MACROD2: variants seen among roughly 807,000 people sequenced by gnomAD.
MACROD2 encodes ADP-ribose glycohydrolase MACROD2.
A neutral mutation model predicts 70.4 loss-of-function variants in MACROD2; 36 were observed. That is an observed-to-expected ratio of 0.51 (90% CI 0.39 to 0.68). The LOEUF (loss-of-function observed/expected upper bound fraction) is 0.68. Among genes scored for constraint, MACROD2 ranks in the 30% least tolerant of loss-of-function variants. MACROD2 has a pLI of 0.00. For synonymous variants in MACROD2, 172 were observed against 178.8 expected (o/e 0.96, Z 0.30); for missense variants, 496 against 538.4 (o/e 0.92, Z 0.78).
At chr20:15,708,462 G>A (rs1272964546) in intron 8 of MACROD2, among the ~76,000 whole-genome samples, 3 of 151,990 alleles carry the variant, frequency 2.0e-5, no homozygotes, top group Admixed American at 6.6e-5. Flanking sequence ...CTGGGAAGTG[G>A]GGACAGAGCA....
chr20:14,078,624 T>C (rs2148665045), intron 2 of MACROD2, among the ~76,000 whole-genome samples: 1 of 152,060 alleles, frequency 6.6e-6, no homozygotes, highest in East Asian at 2.0e-4. Context: ...ACCAGGCCGG[T>C]CTCGAACTCC....
At chr20:14,020,334 G>A (rs568797551) in intron 2 of MACROD2, among the ~76,000 whole-genome samples, 7 of 152,240 alleles carry the variant, frequency 4.6e-5, no homozygotes, top group South Asian at 4.2e-4. Context: ...TTAGCCAGTC[G>A]TGGTGGCACA....
At chr20:15,392,994 C>T (rs139378132) in intron 6 of MACROD2, among the ~76,000 whole-genome samples, 5 of 151,956 alleles carry the variant, frequency 3.3e-5, no homozygotes, top group African/African-American at 4.8e-5. Context: ...ATAAGGGTGG[C>T]GGCAATGTGG....
At chr20:15,092,966 C>G (rs566824593) in intron 5 of MACROD2, among the ~76,000 whole-genome samples, 1 of 152,208 alleles carries the variant, frequency 6.6e-6, no homozygotes, top group East Asian at 1.9e-4. Context: ...GTAAATATCA[C>G]TAGTTGGATA....
intron 5 of MACROD2, among the ~76,000 whole-genome samples, chr20:14,938,360 C>A (rs993117615): frequency 3.9e-5 from 6 of 152,198 alleles, no homozygotes; most frequent in African/African-American, 1.4e-4. Context: ...CATCTATTAT[C>A]CTTGTCTTTT....
chr20:15,535,990 T>G (rs1378127470), intron 8 of MACROD2, among the ~76,000 whole-genome samples: 1 of 152,056 alleles, frequency 6.6e-6, no homozygotes, highest in Non-Finnish European at 1.5e-5. Context: ...TAATTTGAGG[T>G]GTCACAGTGG....
At chr20:15,125,409 A>G (rs2076059165) in intron 5 of MACROD2, among the ~76,000 whole-genome samples, 1 of 152,242 alleles carries the variant, frequency 6.6e-6, no homozygotes, top group Non-Finnish European at 1.5e-5. Context: ...AGGGGTTAAG[A>G]TGAAGATTTT....
intron 3 of MACROD2, among the ~76,000 whole-genome samples, chr20:14,470,551 C>T (rs2084516553): frequency 1.3e-5 from 2 of 152,108 alleles, no homozygotes; most frequent in Admixed American, 6.5e-5. Context: ...GTGCTCTGTC[C>T]CAGGAAGATG....
chr20:16,048,805 C>T (rs973858068), intron 17 of MACROD2, among the ~76,000 whole-genome samples: 8 of 151,194 alleles, frequency 5.3e-5, no homozygotes, highest in East Asian at 1.9e-4. Flanking sequence ...ATTCTGTTCC[C>T]GAGTATTTGA....
At chr20:14,802,545 A>C (rs2072589375) in intron 5 of MACROD2, among the ~76,000 whole-genome samples, 1 of 152,032 alleles carries the variant, frequency 6.6e-6, no homozygotes, top group African/African-American at 2.4e-5. Flanking sequence ...TAATTTAGAC[A>C]TATCTAGTGT....
chr20:15,515,953 T>G (rs899452523), intron 8 of MACROD2, among the ~76,000 whole-genome samples: 28 of 152,274 alleles, frequency 1.8e-4, no homozygotes, highest in African/African-American at 6.7e-4. Context: ...CAGGACAAAT[T>G]GGAGACAGTC....
At chr20:15,853,631 A>G (rs2064324413) in intron 8 of MACROD2, among the ~76,000 whole-genome samples, 1 of 152,274 alleles carries the variant, frequency 6.6e-6, no homozygotes, top group African/African-American at 2.4e-5. Flanking sequence ...CCAGCTGTCA[A>G]CCAGCAAGGA....
intron 4 of MACROD2, among the ~76,000 whole-genome samples, chr20:14,562,357 A>T (rs1332425662): frequency 2.1e-5 from 3 of 145,014 alleles, no homozygotes; most frequent in African/African-American, 7.3e-5. Flanking sequence ...CATTATATAA[A>T]CATGTAGCTT....
chr20:15,245,424 AT>A (rs1276730596), intron 6 of MACROD2, among the ~76,000 whole-genome samples: 15 of 152,228 alleles, frequency 9.9e-5, no homozygotes, highest in Non-Finnish European at 2.1e-4. Flanking sequence ...GGAACTAATT[AT>A]GAGGCAAGGC....
chr20:14,995,269 A>G (rs1021983707), intron 5 of MACROD2, among the ~76,000 whole-genome samples: 5 of 152,154 alleles, frequency 3.3e-5, no homozygotes. Context: ...TTGTAGAGAG[A>G]TGGGATTAGT....
At chr20:14,761,434 A>T (rs2123753687) in intron 5 of MACROD2, among the ~76,000 whole-genome samples, 1 of 152,258 alleles carries the variant, frequency 6.6e-6, no homozygotes, top group East Asian at 1.9e-4. Flanking sequence ...GATTGCCAGC[A>T]TCATACCCCG....
chr20:15,176,374 C>T (rs1024664308), intron 5 of MACROD2, among the ~76,000 whole-genome samples: 1 of 152,160 alleles, frequency 6.6e-6, no homozygotes, highest in African/African-American at 2.4e-5. Context: ...AAGTCTGCAG[C>T]CCAGAGTGAG....
At chr20:14,098,790 A>G (rs2054262975) in intron 3 of MACROD2, among the ~76,000 whole-genome samples, 1 of 152,190 alleles carries the variant, frequency 6.6e-6, no homozygotes, top group African/African-American at 2.4e-5. Context: ...TTCAGTTTGA[A>G]ATTTCATCTC....
At chr20:14,459,273 T>C (rs954448108) in intron 3 of MACROD2, among the ~76,000 whole-genome samples, 1 of 151,988 alleles carries the variant, frequency 6.6e-6, no homozygotes, top group African/African-American at 2.4e-5. Context: ...AAAGGGACTT[T>C]AAAAAATGAC....
Sources: gnomAD v4.1 joint callset for allele counts (sites outside exome capture counted in the v4.1 genomes callset) on GRCh38, gnomAD v4.1.1 for gene constraint, MANE v1.5 for transcripts, NCBI Gene and HGNC (gene_info 2026-07-23, HGNC 2026-07-21) for gene names.